Variants in TMPRSS15 observed in about 807,000 individuals in gnomAD.
TMPRSS15 encodes transmembrane serine protease 15.
Under a neutral mutation model 125.3 loss-of-function variants are expected in TMPRSS15, and 128 were observed. The ratio of observed to expected loss-of-function variants is 1.02; its 90% confidence interval spans 0.89 to 1.18. TMPRSS15 has a LOEUF of 1.18. Among genes scored for constraint, TMPRSS15 ranks in the 50% most tolerant of loss-of-function variants. The pLI, the probability that TMPRSS15 is intolerant of heterozygous loss-of-function variation, is 0.00. For synonymous variants in TMPRSS15, 446 were observed against 423.2 expected (o/e 1.05, Z -0.66); for missense variants, 1,283 against 1,212.7 (o/e 1.06, Z -0.86).
intron 18 of TMPRSS15, 50 bp from the exon 19 acceptor site, chr21:18,297,879 A>C (rs746712693): frequency 7.1e-7 from 1 of 1,413,918 alleles, no homozygotes; most frequent in Admixed American, 1.7e-5. Context: ...CATAAAGAAA[A>C]GACCATAAGT....
intron 5 of TMPRSS15, among the ~76,000 whole-genome samples, chr21:18,375,253 T>G (rs559327922): frequency 6.6e-6 from 1 of 152,306 alleles, no homozygotes; most frequent in African/African-American, 2.4e-5. Flanking sequence ...CTTCTCTCAC[T>G]CTTTCATTTC....
intron 1 of TMPRSS15, among the ~76,000 whole-genome samples, chr21:18,478,964 G>T (rs1048030239): frequency 6.6e-6 from 1 of 151,866 alleles, no homozygotes; most frequent in South Asian, 2.1e-4. Flanking sequence ...AAATACTTGA[G>T]AACAGAACTC....
intron 3 of TMPRSS15, among the ~76,000 whole-genome samples, chr21:18,391,995 G>A (rs935829105): frequency 4.6e-5 from 7 of 152,194 alleles, no homozygotes; most frequent in Non-Finnish European, 1.0e-4. Context: ...TGGAGCTGGA[G>A]TGGCTGGGAC....
upstream of TMPRSS15, among the ~76,000 whole-genome samples, chr21:18,407,665 T>C (rs74399283): frequency 0.093 from 14,099 of 152,088 alleles, 771 homozygotes; most frequent in African/African-American, 0.14. Context: ...CTCACTTCGT[T>C]GTCCAGGCTG....
At chr21:18,342,049 A>C (rs2146986597) in intron 12 of TMPRSS15, among the ~76,000 whole-genome samples, 2 of 152,296 alleles carry the variant, frequency 1.3e-5, no homozygotes, top group South Asian at 4.1e-4. Context: ...ATTCAGGGCC[A>C]GCTGTTACTG....
At chr21:18,399,167 G>A (rs901522217) in intron 1 of TMPRSS15, among the ~76,000 whole-genome samples, 6 of 151,920 alleles carry the variant, frequency 3.9e-5, no homozygotes, top group Admixed American at 6.6e-5. Context: ...AATCTGGTGC[G>A]AGAAGACGTA....
intron 18 of TMPRSS15, among the ~76,000 whole-genome samples, chr21:18,305,646 G>C (rs2075030425): frequency 6.6e-6 from 1 of 152,174 alleles, no homozygotes; most frequent in Admixed American, 6.5e-5. Flanking sequence ...GTACCTTCAA[G>C]AGCTGGTGTA....
At chr21:18,279,172 ATTTTTTTT>A in intron 22 of TMPRSS15, 113 bp from the exon 23 acceptor site, 1 of 555,422 alleles carries the variant, frequency 1.8e-6, no homozygotes, top group Non-Finnish European at 3.2e-6. Flanking sequence ...AAAAACATGT[ATTTTTTTT>A]TTTAATCCTA....
At chr21:18,357,254 T>C (rs2075634408) in intron 8 of TMPRSS15, among the ~76,000 whole-genome samples, 1 of 151,896 alleles carries the variant, frequency 6.6e-6, no homozygotes, top group Non-Finnish European at 1.5e-5. Flanking sequence ...ACTTTTGAAA[T>C]AACTTTCCCA....
intron 7 of TMPRSS15, 42 bp downstream of exon 7, chr21:18,365,098 G>A (rs755135369): frequency 4.6e-6 from 7 of 1,530,600 alleles, no homozygotes; most frequent in East Asian, 2.2e-5. Context: ...TCAGAAAAAC[G>A]CTTTATGACT....
At chr21:18,418,465 G>A (rs2076185125) in intron 1 of TMPRSS15, among the ~76,000 whole-genome samples, 2 of 152,166 alleles carry the variant, frequency 1.3e-5, no homozygotes, top group Admixed American at 1.3e-4. Context: ...GGTGTTATCT[G>A]CCTCTCTACA....
At chr21:18,297,436 T>C (rs1188715650) in intron 19 of TMPRSS15, among the ~76,000 whole-genome samples, 1 of 152,140 alleles carries the variant, frequency 6.6e-6, no homozygotes, top group African/African-American at 2.4e-5. Flanking sequence ...AATTATTTAT[T>C]AATCTGAGGC....
At chr21:18,397,757 C>T in intron 3 of TMPRSS15, 122 bp downstream of exon 3, 2 of 570,910 alleles carry the variant, frequency 3.5e-6, no homozygotes, top group South Asian at 2.5e-5. Context: ...TTGCTTAATC[C>T]TCAAAAAATG....
chr21:18,448,034 C>T (rs180890656), intron 1 of TMPRSS15, among the ~76,000 whole-genome samples: 9 of 151,736 alleles, frequency 5.9e-5, no homozygotes, highest in Admixed American at 4.6e-4. Context: ...ATTAGTACAG[C>T]CATTATAAAC....
intron 1 of TMPRSS15, among the ~76,000 whole-genome samples, chr21:18,410,944 A>T (rs191890051): frequency 5.3e-4 from 81 of 152,326 alleles, no homozygotes; most frequent in Non-Finnish European, 1.0e-3. Context: ...CTAAGATTGT[A>T]TGCATGGACA....
intron 12 of TMPRSS15, among the ~76,000 whole-genome samples, chr21:18,342,963 A>C (rs1043111909): frequency 2.0e-5 from 3 of 152,230 alleles, no homozygotes; most frequent in African/African-American, 7.2e-5. Context: ...TCAGGAAGAG[A>C]ACACATTAAA....
rs369366818 is a variant in TMPRSS15, at chr21:18,294,314, G to A, written c.2442C>T (p.Leu814=). The A allele has an allele frequency of 3.7e-6, 6 of 1,614,104 alleles. No individual in the cohort carries two copies. Among genetic ancestry groups the A allele is most frequent in the South Asian group, 2.2e-5 (2 of 91,094 alleles). The part of the protein sequence containing the change: ...YGGRLLCGAS[L]VSSDWLVSAA... The stretch of plus-strand genomic sequence containing the variant: ...CGGACACCAGCCAGTCACTGCTGAC[G>A]AGAGATGCGCCGCAGAGCAGTCGGC... The change falls in exon 21 of 25, where the codon CTC becomes CTT. Residue 814 remains leucine, a synonymous_variant. Transcript: ENST00000284885.
chr21:18,396,633 G>C (rs1320713918), intron 3 of TMPRSS15, among the ~76,000 whole-genome samples: 1 of 151,892 alleles, frequency 6.6e-6, no homozygotes, highest in Non-Finnish European at 1.5e-5. Context: ...AATTAGCCGG[G>C]TATGGTGGCG....
intron 13 of TMPRSS15, among the ~76,000 whole-genome samples, chr21:18,340,525 A>G (rs1281585198): frequency 1.3e-5 from 2 of 152,042 alleles, no homozygotes; most frequent in Admixed American, 6.6e-5. Context: ...ACTCCTTAAA[A>G]ACTCTGTTTC....
Sources: allele counts gnomAD v4.1 joint callset (sites outside exome capture counted in the v4.1 genomes callset), GRCh38; gene constraint gnomAD v4.1.1; transcripts MANE v1.5; gene names NCBI Gene and HGNC (gene_info 2026-07-23, HGNC 2026-07-21).